The following NEB variants were observed in gnomAD, a reference collection of about 807,000 sequenced individuals.
NEB encodes the protein nebulin, also known as nemaline myopathy type 2.
In NEB, 512 loss-of-function variants were observed where a neutral mutation model predicts 952.2. That is an observed-to-expected ratio of 0.54 (90% CI 0.50 to 0.58). The LOEUF (loss-of-function observed/expected upper bound fraction) is 0.58, where lower values mean the gene tolerates loss of function less well. Among genes scored for constraint, NEB ranks in the 20% least tolerant of loss-of-function variants. NEB has a pLI of 0.00. For missense variants in NEB, 8,428 were observed against 9,231.1 expected (o/e 0.91, Z 3.56); for synonymous variants, 2,900 against 3,149.8 (o/e 0.92, Z 2.66).
intron 60 of NEB, among the ~76,000 whole-genome samples, chr2:151,642,168 G>A (rs538003303): frequency 3.9e-5 from 6 of 152,316 alleles, no homozygotes; most frequent in South Asian, 2.1e-4. Context: ...CACAGGAATC[G>A]TTGAACTTTG....
chr2:151,554,954 G>C lies in NEB; in HGVS notation c.19405C>G (p.Arg6469Gly). The C allele has an allele frequency of 6.2e-7, 1 of 1,613,580 alleles. No homozygotes were observed. Among genetic ancestry groups the C allele is most frequent in the South Asian group, 1.1e-5 (1 of 91,076 alleles). Residue 6469 changes from arginine (R) to glycine (G), a missense_variant, in exon 125 of 182, where the codon CGA (arginine) becomes GGA (glycine). Physicochemically the swap from Arg to Gly is moderately radical, Grantham distance 125. Around this residue, in one of 11 missense-constraint regions of NEB, gnomAD observed 3,374 missense variants for 3,651.5 expected, o/e 0.92. Coordinates refer to ENST00000397345, the MANE Select transcript of NEB (RefSeq NM_001164508.2). ...DDDPNTARCL[R>G]VGKLNIDRLY... ...ACATCGATGTTAAGCTTGCCAACTC[G>C]GAGGCACCGTGCTGTGTTCGGATCA...
rs2097092708 is a variant in NEB at position 151,581,511 on chromosome 2, G to C, written c.16256C>G (p.Ser5419Cys). The change falls in exon 103 of 182, where the codon TCC (serine) becomes TGC (cysteine). Residue 5419 changes from serine to cysteine, a missense_variant. Transcript: ENST00000397345. ...GCTGATCTGCAGGGCATTGATTTTG[G>C]ATTGCAGCATCAGGGGAGTGTCAGC... is the stretch of plus-strand genomic sequence containing the variant. ...VPADTPLMLQ[S>C]KINALQISNK... 1.8e-6 allele frequency: 2 copies of C among 1,090,162 alleles called. No homozygotes were observed. The highest frequency in any genetic ancestry group is 2.1e-5 in the African/African-American group (1 of 47,442). 67.5% of individuals were successfully genotyped at this position (1,090,162 alleles called of 1,614,324 possible).
Position 151,614,292 on chromosome 2 carries a change from T to C in NEB, c.11585A>G (p.Tyr3862Cys), listed in dbSNP as rs769949903. ...QNDVIQARKA[Y>C]DLQSDAIYKS... is the part of the protein sequence containing the mutation. ...GCCACTCACATCACTCTGCAGGTCATAGGCCTTCCGAGCCTGAATGACGTC... is the reference window on the plus strand; with the variant it reads ...GCCACTCACATCACTCTGCAGGTCACAGGCCTTCCGAGCCTGAATGACGTC... The change falls in exon 77 of 182, where the codon TAT (tyrosine) becomes TGT (cysteine). Residue 3862 changes from tyrosine to cysteine, a missense_variant. Coordinates refer to ENST00000397345, the MANE Select transcript of NEB (RefSeq NM_001164508.2). 4 of 1,613,818 alleles carry C rather than the reference T, an allele frequency of 2.5e-6. No individual in the cohort carries two copies. The highest frequency in any genetic ancestry group is 1.7e-5 in the Admixed American group (1 of 60,016).
At position 151,620,998 on chromosome 2, in the gene NEB, G is replaced by T; in HGVS notation, c.10481C>A (p.Ala3494Asp). The T allele has an allele frequency of 6.2e-7, 1 of 1,611,934 alleles. No homozygotes were observed. The highest frequency in any genetic ancestry group is 8.5e-7 in the Non-Finnish European group (1 of 1,178,964). ...TCTCAAGTCATAGCCTTCTTTCTTGGCTTCTTCCATGGCCTGACGATAGAG... is the reference window on the plus strand; with the variant it reads ...TCTCAAGTCATAGCCTTCTTTCTTGTCTTCTTCCATGGCCTGACGATAGAG... ...ESLYRQAMEE[A>D]KKEGYDLRSD... Residue 3494 changes from alanine to aspartate, a missense_variant, in exon 72 of 182, where the codon GCC becomes GAC. This residue lies in a region of NEB where 1,772 missense variants were observed against 1,960.3 expected (regional missense o/e 0.90). Coordinates refer to ENST00000397345, the MANE Select transcript of NEB (RefSeq NM_001164508.2).
rs745360846 is a variant in NEB at position 151,554,881 on chromosome 2, C to T, written c.19428+50G>A. The T allele has an allele frequency of 3.1e-6, 4 of 1,287,302 alleles. No individual in the cohort carries two copies. The South Asian group carries it at 4.7e-5, about 15-fold the overall frequency. The allele number at this position is 1,287,302 out of a possible 1,614,324, so 79.7% of individuals were successfully genotyped here. ...CAATGAAATCACATAACGAGCGGCA[C>T]ATTTCTCAGAATGTATCCTAGTCAT... On this transcript the variant is annotated intron_variant, in intron 125 of 181. Coordinates refer to ENST00000397345, the MANE Select transcript of NEB (RefSeq NM_001164508.2).
intron 156 of NEB, among the ~76,000 whole-genome samples, 169 bp downstream of exon 156, chr2:151,518,149 G>A (rs1392062186): frequency 2.0e-5 from 3 of 152,186 alleles, no homozygotes; most frequent in African/African-American, 4.8e-5. Flanking sequence ...ATATGTAGAT[G>A]TTGTTGTAAT....
intron 71 of NEB, among the ~76,000 whole-genome samples, chr2:151,621,891 AG>A (rs2098423588): frequency 1.3e-5 from 2 of 152,262 alleles, no homozygotes; most frequent in Admixed American, 6.5e-5. Context: ...AAACATAAAA[AG>A]TAAAAATTTA....
chr2:151,530,953 G>A, intron 145 of NEB, 41 bp downstream of exon 145: 1 of 1,332,704 alleles, frequency 7.5e-7, no homozygotes, highest in Non-Finnish European at 1.1e-6. Flanking sequence ...ATTAGAAGGA[G>A]GCCAAGATGA....
chr2:151,698,043 G>A (rs1181624402), intron 13 of NEB, among the ~76,000 whole-genome samples: 1 of 150,826 alleles, frequency 6.6e-6, no homozygotes, highest in Non-Finnish European at 1.5e-5. Flanking sequence ...TCCAGCCCGG[G>A]CGACAATGCG....
chr2:151,697,885 T>C (rs959033336), intron 13 of NEB, among the ~76,000 whole-genome samples: 3 of 152,030 alleles, frequency 2.0e-5, no homozygotes, highest in Non-Finnish European at 4.4e-5. Flanking sequence ...GCCAACAAAG[T>C]GAAACCCTCT....
rs1045692459 is a variant in NEB, at chr2:151,524,418, G to A, written c.22375-3C>T. ...CGGTGCTTGGCTCTGTACTCCACCT[G>A]AATCAGAGAAAACCAAAATGGGCAA... On this transcript the variant is annotated splice_polypyrimidine_tract_variant and splice_region_variant and intron_variant, in intron 152 of 181. Coordinates refer to ENST00000397345, the MANE Select transcript of NEB (RefSeq NM_001164508.2). 11 of 1,613,892 alleles carry A rather than the reference G, an allele frequency of 6.8e-6. No individual in the cohort carries two copies. The highest frequency in any genetic ancestry group is 1.1e-5 in the South Asian group (1 of 91,076).
chr2:151,570,587 C>T lies in NEB; in HGVS notation c.17028G>A (p.Glu5676=). ...AGCCCGCCTTCATTTCATCCCAGCCCTCACGGTAAAGTTTCTGAAAAGGAG... is the reference window on the plus strand; with the variant it reads ...AGCCCGCCTTCATTTCATCCCAGCCTTCACGGTAAAGTTTCTGAAAAGGAG... ...ALNVSNKLYR[E]GWDEMKAGCD... is the part of the protein sequence containing the mutation. The change falls in exon 108 of 182, where the codon GAG becomes GAA. Residue 5676 remains glutamate, a synonymous_variant. Coordinates refer to ENST00000397345, the MANE Select transcript of NEB (RefSeq NM_001164508.2). 6.3e-7 allele frequency: 1 copy of T among 1,597,394 alleles called. No homozygotes were observed. The highest frequency in any genetic ancestry group is 8.5e-7 in the Non-Finnish European group (1 of 1,171,754).
chr2:151,622,321 A>T (rs1467112341), intron 71 of NEB, among the ~76,000 whole-genome samples: 2 of 152,236 alleles, frequency 1.3e-5, no homozygotes, highest in Non-Finnish European at 2.9e-5. Flanking sequence ...ATACTTTCAG[A>T]CATGCATCAT....
At chr2:151,532,179 C>T (rs1405539960) in intron 143 of NEB, 2 of 252,162 alleles carry the variant, frequency 7.9e-6, no homozygotes, top group African/African-American at 4.5e-5. Flanking sequence ...TCACTGCAAC[C>T]TCCACCTCCC....
chr2:151,591,782 T>G (rs1202808967), intron 95 of NEB, among the ~76,000 whole-genome samples: 1 of 152,310 alleles, frequency 6.6e-6, no homozygotes, highest in Admixed American at 6.5e-5. Flanking sequence ...AACTAGGTAT[T>G]ACTCTACGTG....
chr2:151,618,144 T>A (rs915332773), intron 74 of NEB, 131 bp downstream of exon 74: 1 of 795,028 alleles, frequency 1.3e-6, no homozygotes, highest in African/African-American at 1.8e-5. Context: ...AACTATGGTA[T>A]TATAGTGGAA....
Position 151,677,929 on chromosome 2 carries a change from G to C in NEB, c.3514C>G (p.Pro1172Ala), listed in dbSNP as rs2099385177. ...KHSLHHYTYL[P>A]DAMDLELSKN... Reference sequence around the variant, plus strand: ...GACAGCTCCAGGTCCATGGCGTCAGGCAAGTAGGTGTAATGATGGAGAGAA... The same window carrying C: ...GACAGCTCCAGGTCCATGGCGTCAGCCAAGTAGGTGTAATGATGGAGAGAA... Residue 1172 changes from proline to alanine, a missense_variant, in exon 33 of 182, where the codon CCT becomes GCT. By Grantham distance (27) the Pro-to-Ala change is conservative (BLOSUM62 -1). Coordinates refer to ENST00000397345, the MANE Select transcript of NEB (RefSeq NM_001164508.2). 1 of 1,613,876 alleles carries C rather than the reference G, an allele frequency of 6.2e-7. No individual in the cohort carries two copies. Among genetic ancestry groups the C allele is most frequent in the South Asian group, 1.1e-5 (1 of 91,068 alleles).
intron 13 of NEB, among the ~76,000 whole-genome samples, chr2:151,699,878 T>C (rs1421554338): frequency 1.3e-5 from 2 of 151,826 alleles, no homozygotes; most frequent in African/African-American, 4.8e-5. Flanking sequence ...TTAGATCCGA[T>C]TTGTCAATTT....
At chr2:151,650,934 A>G (rs1480621915) in intron 52 of NEB, 49 bp from the exon 53 acceptor site, 4 of 1,484,344 alleles carry the variant, frequency 2.7e-6, no homozygotes, top group African/African-American at 1.4e-5. Context: ...GGCCAAGTTA[A>G]GCTCAACTTG....
Sources: gnomAD v4.1 joint callset for allele counts (sites outside exome capture counted in the v4.1 genomes callset) on GRCh38, gnomAD v4.1.1 for gene constraint, gnomAD v4.1.1 regional missense constraint, MANE v1.5 for transcripts, NCBI Gene and HGNC (gene_info 2026-07-23, HGNC 2026-07-21) for gene names.